The following HTR2C variants were observed in gnomAD, a reference collection of about 807,000 sequenced individuals.
The protein encoded by HTR2C is 5-hydroxytryptamine (serotonin) receptor 2C, G protein-coupled.
In HTR2C, 5 loss-of-function variants were observed where a neutral mutation model predicts 21.0. The observed-to-expected ratio is 0.24, with a 90% CI of 0.12 to 0.50. HTR2C has a LOEUF of 0.50. Among genes scored for constraint, HTR2C ranks in the 20% least tolerant of loss-of-function variants. HTR2C has a pLI of 0.98. For synonymous variants in HTR2C, 150 were observed against 145.3 expected (o/e 1.03, Z -0.23); for missense variants, 271 against 371.2 (o/e 0.73, Z 2.22).
intron 4 of HTR2C, among the ~76,000 whole-genome samples, chrX:114,786,808 A>AG (rs1351485554): frequency 2.7e-5 from 3 of 111,548 alleles, no homozygotes; most frequent in African/African-American, 9.8e-5. Flanking sequence ...ACTTCTCCTT[A>AG]GGGGTCTCAG....
chrX:114,646,159 A>G (rs1228163676), intron 2 of HTR2C, among the ~76,000 whole-genome samples: 2 of 112,141 alleles, frequency 1.8e-5, no homozygotes, highest in South Asian at 3.6e-4. Flanking sequence ...TTTATTGACA[A>G]ATATCATTTG....
chrX:114,678,059 T>C (rs1372236891), intron 2 of HTR2C, among the ~76,000 whole-genome samples: 4 of 111,129 alleles, frequency 3.6e-5, no homozygotes, highest in Non-Finnish European at 7.5e-5. Context: ...AATCAGAAGG[T>C]CTGGCCATTC....
At chrX:114,752,120 T>G (rs2069766144) in intron 4 of HTR2C, among the ~76,000 whole-genome samples, 2 of 111,879 alleles carry the variant, frequency 1.8e-5, no homozygotes, top group African/African-American at 6.5e-5. Flanking sequence ...GTTCAGACAC[T>G]TTTTAATATA....
chrX:114,652,656 G>C (rs1189074424), intron 2 of HTR2C: 1 of 376,783 alleles, frequency 2.7e-6, no homozygotes, highest in African/African-American at 2.7e-5. Context: ...GCATATAGCA[G>C]GTCCTCAATA....
intron 4 of HTR2C, among the ~76,000 whole-genome samples, chrX:114,808,974 A>C (rs1216366932): frequency 9.0e-6 from 1 of 111,607 alleles, no homozygotes; most frequent in East Asian, 2.8e-4. Flanking sequence ...GGGTCTGCCC[A>C]GGTCCTGCAA....
intron 2 of HTR2C, among the ~76,000 whole-genome samples, chrX:114,683,208 G>T (rs1931802555): frequency 9.0e-6 from 1 of 111,223 alleles, no homozygotes; most frequent in South Asian, 3.8e-4. Flanking sequence ...GCTCTTTGAG[G>T]TTCTTTACAA....
chrX:114,698,410 T>A (rs1412578705), intron 2 of HTR2C, among the ~76,000 whole-genome samples: 2 of 109,640 alleles, frequency 1.8e-5, no homozygotes, highest in Non-Finnish European at 3.8e-5. Context: ...TGAAATGCGT[T>A]GTTCTGTGCA....
intron 2 of HTR2C, among the ~76,000 whole-genome samples, chrX:114,621,565 A>G (rs1368673132): frequency 3.6e-5 from 4 of 112,188 alleles, no homozygotes; most frequent in Non-Finnish European, 3.8e-5. Context: ...CTGCTATGGT[A>G]TAAGATGCCG....
rs1040955818 is a variant in HTR2C, at chrX:114,727,063, C to T, written c.35+92C>T. The T allele has an allele frequency of 1.3e-5, 6 of 479,796 alleles. No homozygotes were observed. The Admixed American group carries it at 1.7e-4, about 14-fold the overall frequency. The allele number at this position is 479,796 out of a possible 1,213,427, so 39.5% of individuals were successfully genotyped here. A position where few individuals can be genotyped will look rare whatever the true frequency, so the allele number is the denominator to read the frequency against. ...TAAAAAAATGCTTCTATATGATCAG[C>T]TATATTTGCCTAAATCTGCATAAAT... On this transcript the variant is annotated intron_variant, in intron 3 of 5. Coordinates refer to ENST00000276198, the MANE Select transcript of HTR2C (RefSeq NM_000868.4).
intron 4 of HTR2C, among the ~76,000 whole-genome samples, chrX:114,734,857 A>G (rs2069575373): frequency 1.8e-5 from 2 of 111,427 alleles, no homozygotes; most frequent in African/African-American, 3.3e-5. Flanking sequence ...ATTTTACTCT[A>G]TATAATAGAT....
chrX:114,725,764 G>C (rs1440761150), intron 2 of HTR2C, among the ~76,000 whole-genome samples: 1 of 110,661 alleles, frequency 9.0e-6, no homozygotes, highest in Admixed American at 9.6e-5. Context: ...GTCTTTTGGA[G>C]TACCCGGCCG....
intron 2 of HTR2C, among the ~76,000 whole-genome samples, chrX:114,660,079 GTATC>G (rs1930930810): frequency 8.9e-6 from 1 of 112,066 alleles, no homozygotes; most frequent in Non-Finnish European, 1.9e-5. Flanking sequence ...TAAAATCGGT[GTATC>G]TATTTAATGG....
chrX:114,613,939 T>C (rs1294599519), intron 2 of HTR2C, 58 bp downstream of exon 2: 6 of 112,027 alleles, frequency 5.4e-5, no homozygotes, highest in African/African-American at 1.9e-4. Context: ...ATTCAACTAT[T>C]ATATCAAGGT....
At chrX:114,604,408 A>G (rs1290426596) in intron 1 of HTR2C, among the ~76,000 whole-genome samples, 12 of 110,583 alleles carry the variant, frequency 1.1e-4, no homozygotes, top group African/African-American at 3.6e-4. Context: ...TTATGGAGGC[A>G]AGGGAAACAG....
intron 2 of HTR2C, among the ~76,000 whole-genome samples, chrX:114,695,760 G>A (rs1429267073): frequency 4.4e-4 from 49 of 111,761 alleles, no homozygotes; most frequent in Non-Finnish European, 1.3e-4. Context: ...GGTTTTGTGA[G>A]CTTTTCACTC....
At chrX:114,720,527 T>A (rs1158538531) in intron 2 of HTR2C, among the ~76,000 whole-genome samples, 7 of 105,283 alleles carry the variant, frequency 6.6e-5, no homozygotes, top group African/African-American at 2.1e-4. Context: ...TTTTTTTTTT[T>A]AATTATACTT....
intron 5 of HTR2C, among the ~76,000 whole-genome samples, chrX:114,867,958 C>G (rs1344579450): frequency 1.8e-5 from 2 of 111,106 alleles, no homozygotes; most frequent in South Asian, 7.4e-4. Flanking sequence ...TAGTTTAGTT[C>G]TTTTGCTTAG....
chrX:114,799,788 T>C (rs2070328677), intron 4 of HTR2C, among the ~76,000 whole-genome samples: 2 of 110,795 alleles, frequency 1.8e-5, no homozygotes, highest in South Asian at 7.4e-4. Flanking sequence ...ATAATTATAA[T>C]TTGTCTATTT....
chrX:114,598,320 G>A (rs1428657282), intron 1 of HTR2C, among the ~76,000 whole-genome samples: 1 of 111,728 alleles, frequency 9.0e-6, no homozygotes, highest in Non-Finnish European at 1.9e-5. Context: ...CTGACTCACA[G>A]AGATTTTCGG....
Sources: gnomAD v4.1 joint callset for allele counts (sites outside exome capture counted in the v4.1 genomes callset) on GRCh38, gnomAD v4.1.1 for gene constraint, MANE v1.5 for transcripts, NCBI Gene and HGNC (gene_info 2026-07-23, HGNC 2026-07-21) for gene names.